The following NBAS variants were observed in gnomAD, a reference collection of about 807,000 sequenced individuals.
NBAS encodes NBAS subunit of NRZ tethering complex.
NBAS carries 219 observed loss-of-function variants against 302.5 expected under a neutral mutation model. That is an observed-to-expected ratio of 0.72 (90% CI 0.65 to 0.81). The LOEUF (loss-of-function observed/expected upper bound fraction) is 0.81, where lower values mean the gene tolerates loss of function less well. Ranked by LOEUF, NBAS falls within the 30% of genes least tolerant of loss-of-function variation. NBAS has a pLI of 0.00. For synonymous variants in NBAS, 1,118 were observed against 1,021.6 expected, an observed-to-expected ratio of 1.09 and a Z score of -1.80; for missense variants, 2,932 against 2,841.6, an observed-to-expected ratio of 1.03 and a Z score of -0.72.
At chr2:14,822,515 T>C in the NBAS span, among the ~76,000 whole-genome samples, 1 of 152,150 alleles carries the variant, frequency 6.6e-6, no homozygotes. Context: ...ATGGCTTTTG[T>C]ATACATTTCA....
chr2:15,112,671 T>C, the NBAS span, among the ~76,000 whole-genome samples: 3 of 152,172 alleles, frequency 2.0e-5, no homozygotes, highest in Admixed American at 6.5e-5. Flanking sequence ...GAAAATAATG[T>C]TGTCATCAAA....
At position 15,367,886 on chromosome 2, in the gene NBAS, G is replaced by A. The variant is rs996034476; in HGVS notation, c.3704-1193C>T. 1.3e-5 allele frequency among the ~76,000 whole-genome samples: 2 copies of A among 152,212 alleles called. 1 individual carries two copies. The highest frequency in any genetic ancestry group is 2.9e-5 in the Non-Finnish European group (2 of 68,046). ...ATACTCTTTGCTGAGGTTAACAGAT[G>A]ATTAATAATTTGCGCCTTCACACAT... On this transcript the variant is annotated intron_variant, in intron 31 of 51. Coordinates refer to ENST00000281513, the MANE Select transcript of NBAS (RefSeq NM_015909.4).
chr2:15,457,318 G>A (rs1198643403), intron 21 of NBAS, among the ~76,000 whole-genome samples: 1 of 152,136 alleles, frequency 6.6e-6, no homozygotes, highest in Non-Finnish European at 1.5e-5. Flanking sequence ...AAGTGGAGGA[G>A]TCAAAGAAAA....
At chr2:14,869,664 G>A in the NBAS span, among the ~76,000 whole-genome samples, 1 of 152,036 alleles carries the variant, frequency 6.6e-6, no homozygotes, top group Non-Finnish European at 1.5e-5. Context: ...GTGGTTTAAT[G>A]GGTGGGATGA....
At chr2:15,535,405 T>G (rs1401615644) in intron 8 of NBAS, among the ~76,000 whole-genome samples, 1 of 151,712 alleles carries the variant, frequency 6.6e-6, no homozygotes, top group African/African-American at 2.4e-5. Context: ...ACCTGCAGTC[T>G]CAGCTACTTG....
At chr2:15,152,121 A>T in the NBAS span, among the ~76,000 whole-genome samples, 1 of 152,328 alleles carries the variant, frequency 6.6e-6, no homozygotes, top group Non-Finnish European at 1.5e-5. Context: ...AAGTGCTGGG[A>T]TTACAGGCAT....
chr2:15,539,857 TAC>T (rs149929250), intron 6 of NBAS, among the ~76,000 whole-genome samples: 11 of 150,882 alleles, frequency 7.3e-5, no homozygotes, highest in Non-Finnish European at 5.9e-5. Context: ...TATATATATA[TAC>T]ACACACACAC....
At chr2:15,431,499 A>G (rs1345382631) in intron 21 of NBAS, among the ~76,000 whole-genome samples, 1 of 152,200 alleles carries the variant, frequency 6.6e-6, no homozygotes, top group Non-Finnish European at 1.5e-5. Context: ...TATTTTGTCT[A>G]GTGCTATATC....
the NBAS span, among the ~76,000 whole-genome samples, chr2:14,788,030 C>CT: frequency 6.6e-6 from 1 of 152,216 alleles, no homozygotes; most frequent in Non-Finnish European, 1.5e-5. Context: ...TCTTTTTATT[C>CT]TTTTTTCTCT....
chr2:15,044,237 T>C, the NBAS span, among the ~76,000 whole-genome samples: 1 of 152,194 alleles, frequency 6.6e-6, no homozygotes, highest in Non-Finnish European at 1.5e-5. Context: ...TACCTGCTAA[T>C]ATGCTGATGC....
intron 44 of NBAS, among the ~76,000 whole-genome samples, chr2:15,254,903 G>GGGGT (rs372861615): frequency 1.3e-5 from 2 of 149,288 alleles, no homozygotes; most frequent in Admixed American, 6.7e-5. Context: ...TGTTCCATGG[G>GGGGT]GTGTGTGTGT....
chr2:15,128,227 C>T, the NBAS span, among the ~76,000 whole-genome samples: 1 of 152,142 alleles, frequency 6.6e-6, no homozygotes, highest in Non-Finnish European at 1.5e-5. Flanking sequence ...CTAAGTACTG[C>T]CTTTAATTAT....
chr2:14,802,353 G>T, the NBAS span, among the ~76,000 whole-genome samples: 2 of 150,754 alleles, frequency 1.3e-5, no homozygotes, highest in East Asian at 3.9e-4. Context: ...CATTATTTCT[G>T]AGGGCTCTGT....
chr2:15,428,665 A>G (rs944723016), intron 21 of NBAS, among the ~76,000 whole-genome samples: 1 of 152,132 alleles, frequency 6.6e-6, no homozygotes, highest in Non-Finnish European at 1.5e-5. Flanking sequence ...CTTGAGCCCT[A>G]CTAAAAGGTT....
At chr2:15,089,265 G>A in the NBAS span, among the ~76,000 whole-genome samples, 1 of 152,060 alleles carries the variant, frequency 6.6e-6, no homozygotes, top group South Asian at 2.1e-4. Flanking sequence ...TACAGCATGA[G>A]CCACCGCACC....
the NBAS span, among the ~76,000 whole-genome samples, chr2:14,794,306 C>T: frequency 6.6e-6 from 1 of 152,150 alleles, no homozygotes; most frequent in South Asian, 2.1e-4. Flanking sequence ...TTTAGCTCGT[C>T]ATGTTTTTCA....
chr2:14,805,456 A>G, the NBAS span, among the ~76,000 whole-genome samples: 1 of 152,172 alleles, frequency 6.6e-6, no homozygotes, highest in Non-Finnish European at 1.5e-5. Context: ...AAGAGCCATG[A>G]AAAAGTTTTA....
At chr2:15,447,243 A>G (rs1482166250) in intron 21 of NBAS, among the ~76,000 whole-genome samples, 2 of 152,236 alleles carry the variant, frequency 1.3e-5, no homozygotes, top group African/African-American at 4.8e-5. Flanking sequence ...ACTGGATAAT[A>G]CAGAAAGATC....
the NBAS span, among the ~76,000 whole-genome samples, chr2:14,820,952 C>T: frequency 6.6e-6 from 1 of 150,830 alleles, no homozygotes; most frequent in Non-Finnish European, 1.5e-5. Flanking sequence ...TTTTCCGAGA[C>T]GGAGTCTTGC....
Sources: allele counts gnomAD v4.1 joint callset (sites outside exome capture counted in the v4.1 genomes callset), GRCh38; gene constraint gnomAD v4.1.1; transcripts MANE v1.5; gene names NCBI Gene and HGNC (gene_info 2026-07-23, HGNC 2026-07-21).